The following DACH2 variants were observed in gnomAD, a reference collection of about 807,000 sequenced individuals.
The protein encoded by DACH2 is dachshund family transcription factor 2.
Under a neutral mutation model 35.8 loss-of-function variants are expected in DACH2, and 17 were observed. The observed-to-expected ratio is 0.48, with a 90% CI of 0.33 to 0.71. DACH2 has a LOEUF of 0.71. Among genes scored for constraint, DACH2 ranks in the 30% least tolerant of loss-of-function variants. DACH2 has a pLI of 0.02. For missense variants in DACH2, 469 were observed against 472.7 expected (o/e 0.99, Z 0.07); for synonymous variants, 195 against 177.3 (o/e 1.10, Z -0.79).
chrX:86,211,275 G>A (rs1274715920), intron 1 of DACH2, among the ~76,000 whole-genome samples: 1 of 111,628 alleles, frequency 9.0e-6, no homozygotes, highest in East Asian at 2.8e-4. Context: ...TTGCCGCTCT[G>A]ATTTTTTGCT....
chrX:86,492,670 T>C (rs888360564), intron 2 of DACH2, among the ~76,000 whole-genome samples: 3 of 111,752 alleles, frequency 2.7e-5, no homozygotes, highest in Non-Finnish European at 5.6e-5. Flanking sequence ...GTACCTGATA[T>C]TTAGCTCTCA....
At chrX:86,386,442 T>A (rs1014489346) in intron 2 of DACH2, among the ~76,000 whole-genome samples, 5 of 111,083 alleles carry the variant, frequency 4.5e-5, no homozygotes, top group Non-Finnish European at 9.5e-5. Flanking sequence ...CTTTCTTTTT[T>A]TTTCTTTCTT....
rs1466329874 is a variant in DACH2 at position 86,312,285 on chromosome X, G to A, written c.489-64539G>A. 4.5e-5 allele frequency among the ~76,000 whole-genome samples: 5 copies of A among 111,851 alleles called. No individual in the cohort carries two copies. The Admixed American group carries it at 4.7e-4, about 11-fold the overall frequency. On this transcript the variant is annotated intron_variant, in intron 1 of 11. Transcript: ENST00000373125. ...TTATTGACTCCATATCAGCATTTAAGTATTGTTAACTTTATGTAATAGTAT... is the reference window on the plus strand; with the variant it reads ...TTATTGACTCCATATCAGCATTTAAATATTGTTAACTTTATGTAATAGTAT...
At chrX:86,654,401 A>T (rs1569460887) in intron 4 of DACH2, among the ~76,000 whole-genome samples, 1 of 109,999 alleles carries the variant, frequency 9.1e-6, no homozygotes, top group Non-Finnish European at 1.9e-5. Flanking sequence ...AAATTATTGA[A>T]TGAAATCAGT....
intron 1 of DACH2, among the ~76,000 whole-genome samples, chrX:86,188,703 C>T (rs1239041953): frequency 9.0e-6 from 1 of 111,612 alleles, no homozygotes; most frequent in Non-Finnish European, 1.9e-5. Flanking sequence ...TGGAGTGATG[C>T]AAGGAAGGGG....
At chrX:86,463,985 A>G (rs967055854) in intron 2 of DACH2, among the ~76,000 whole-genome samples, 6 of 111,860 alleles carry the variant, frequency 5.4e-5, no homozygotes, top group Non-Finnish European at 7.5e-5. Flanking sequence ...ATCTCACGCC[A>G]GTTAGAATGG....
rs1160048886 is a variant in DACH2, at chrX:86,552,461, G to A, written c.640+38070G>A. On this transcript the variant is annotated intron_variant, in intron 3 of 11. Coordinates refer to ENST00000373125, the MANE Select transcript of DACH2 (RefSeq NM_053281.3). The stretch of plus-strand genomic sequence containing the variant: ...CATTGCATTAGGCATGGGCATTATT[G>A]CAAAGCACCCCAGGCAGCACAACTA... Among the ~76,000 whole-genome samples the A allele has an allele frequency of 5.4e-5, 6 of 111,975 alleles. No homozygotes were observed. The East Asian group carries it at 1.7e-3, about 32-fold the overall frequency.
At chrX:86,476,778 G>A (rs1476716251) in intron 2 of DACH2, among the ~76,000 whole-genome samples, 3 of 111,034 alleles carry the variant, frequency 2.7e-5, no homozygotes, top group South Asian at 7.5e-4. Context: ...TATGGTGTAG[G>A]CACTTATAGC....
chrX:86,403,007 A>C (rs1213451550), intron 2 of DACH2, among the ~76,000 whole-genome samples: 1 of 111,946 alleles, frequency 8.9e-6, no homozygotes, highest in Non-Finnish European at 1.9e-5. Flanking sequence ...TAGAGGCCTA[A>C]ATTTTACCAT....
chrX:86,376,965 A>C, intron 2 of DACH2, 103 bp downstream of exon 2: 1 of 343,569 alleles, frequency 2.9e-6, no homozygotes, highest in Non-Finnish European at 5.2e-6. Context: ...TACTATACTC[A>C]CTAAGGTAGG....
At chrX:86,236,502 G>C (rs2033060283) in intron 1 of DACH2, among the ~76,000 whole-genome samples, 1 of 111,722 alleles carries the variant, frequency 9.0e-6, no homozygotes, top group Admixed American at 9.5e-5. Context: ...TTGTGCTAGG[G>C]TTATACAGTA....
chrX:86,437,819 T>C (rs1341194585), intron 2 of DACH2, among the ~76,000 whole-genome samples: 1 of 110,944 alleles, frequency 9.0e-6, no homozygotes, highest in East Asian at 2.8e-4. Flanking sequence ...TGGTAGTTTT[T>C]TTAGTTTTTT....
At chrX:86,549,569 ATT>A (rs1250771293) in intron 3 of DACH2, among the ~76,000 whole-genome samples, 1 of 108,525 alleles carries the variant, frequency 9.2e-6, no homozygotes, top group Non-Finnish European at 1.9e-5. Flanking sequence ...TACTATTTAT[ATT>A]TTTTTAAATT....
intron 3 of DACH2, among the ~76,000 whole-genome samples, chrX:86,646,168 C>T (rs115652357): frequency 0.011 from 1,249 of 111,550 alleles, 19 homozygotes; most frequent in African/African-American, 0.038. Flanking sequence ...GAGGCCATTA[C>T]TTTAAGTGCA....
At chrX:86,632,609 C>T (rs1275206515) in intron 3 of DACH2, among the ~76,000 whole-genome samples, 2 of 109,855 alleles carry the variant, frequency 1.8e-5, no homozygotes, top group African/African-American at 6.6e-5. Context: ...CAAGGTAGTC[C>T]CTCCAATACA....
intron 1 of DACH2, among the ~76,000 whole-genome samples, chrX:86,337,171 G>C (rs1392455957): frequency 1.8e-5 from 2 of 111,296 alleles, no homozygotes; most frequent in Non-Finnish European, 3.8e-5. Flanking sequence ...TTACCCAGGA[G>C]AACTTCTTCA....
At chrX:86,458,112 C>G (rs1339619443) in intron 2 of DACH2, among the ~76,000 whole-genome samples, 1 of 111,631 alleles carries the variant, frequency 9.0e-6, no homozygotes, top group Non-Finnish European at 1.9e-5. Context: ...GCTTTTAGAC[C>G]AACTTTCTTA....
chrX:86,326,901 C>T (rs1011365784), intron 1 of DACH2, among the ~76,000 whole-genome samples: 8 of 111,686 alleles, frequency 7.2e-5, no homozygotes, highest in African/African-American at 1.6e-4. Flanking sequence ...GTAATGAAGA[C>T]GTCAATTGAA....
At chrX:86,358,574 A>G (rs1176936975) in intron 1 of DACH2, among the ~76,000 whole-genome samples, 1 of 109,948 alleles carries the variant, frequency 9.1e-6, no homozygotes, top group African/African-American at 3.3e-5. Context: ...TCTTATCATT[A>G]GGCTACCTAC....
Sources: allele counts gnomAD v4.1 joint callset (sites outside exome capture counted in the v4.1 genomes callset), GRCh38; gene constraint gnomAD v4.1.1; transcripts MANE v1.5; gene names NCBI Gene and HGNC (gene_info 2026-07-23, HGNC 2026-07-21).